The following HERC4 variants were observed in gnomAD, a reference collection of about 807,000 sequenced individuals.
The protein encoded by HERC4 is probable E3 ubiquitin-protein ligase HERC4.
HERC4 carries 28 observed loss-of-function variants against 124.3 expected under a neutral mutation model. The observed-to-expected ratio is 0.23, with a 90% CI of 0.17 to 0.31. The LOEUF (loss-of-function observed/expected upper bound fraction) is 0.31, where lower values mean the gene tolerates loss of function less well. Among genes scored for constraint, HERC4 ranks in the 10% least tolerant of loss-of-function variants. The pLI is 1.00. For missense variants in HERC4, 713 were observed against 1,229.3 expected (o/e 0.58, Z 6.28); for synonymous variants, 407 against 421.5 (o/e 0.97, Z 0.42).
At chr10:68,056,127 G>T (rs2040536931) in intron 3 of HERC4, among the ~76,000 whole-genome samples, 1 of 152,086 alleles carries the variant, frequency 6.6e-6, no homozygotes, top group Non-Finnish European at 1.5e-5. Context: ...AAGGGGTAAA[G>T]GTGAAATATA....
intron 9 of HERC4, chr10:68,010,521 T>C: frequency 1.1e-6 from 1 of 950,172 alleles, no homozygotes; most frequent in East Asian, 2.6e-5. Flanking sequence ...ACTGATCTGC[T>C]GCAGTGTGGG....
intron 8 of HERC4, among the ~76,000 whole-genome samples, chr10:68,021,211 A>T (rs1008799071): frequency 1.3e-5 from 2 of 152,250 alleles, no homozygotes; most frequent in African/African-American, 2.4e-5. Flanking sequence ...TACACAAAGG[A>T]TTCTCAATAA....
intron 15 of HERC4, among the ~76,000 whole-genome samples, chr10:67,974,706 G>C (rs1205791539): frequency 6.6e-6 from 1 of 152,102 alleles, no homozygotes; most frequent in African/African-American, 2.4e-5. Context: ...AAAAAGAATT[G>C]TTTATATAAT....
At chr10:67,983,150 T>C (rs943094149) in intron 15 of HERC4, among the ~76,000 whole-genome samples, 34 of 147,820 alleles carry the variant, frequency 2.3e-4, no homozygotes, top group Middle Eastern at 3.2e-3. Context: ...ACCAGTGAAA[T>C]GCAAATCAAA....
chr10:67,997,574 C>T (rs1009083769), intron 9 of HERC4, among the ~76,000 whole-genome samples: 4 of 152,064 alleles, frequency 2.6e-5, no homozygotes, highest in African/African-American at 9.7e-5. Context: ...TATCCCCCAC[C>T]CAAATAGATC....
At chr10:68,027,470 T>A (rs1212987629) in intron 7 of HERC4, among the ~76,000 whole-genome samples, 5 of 152,378 alleles carry the variant, frequency 3.3e-5, no homozygotes, top group Non-Finnish European at 7.3e-5. Context: ...CATATATCTG[T>A]AACCGACAAA....
intron 23 of HERC4, among the ~76,000 whole-genome samples, chr10:67,928,159 G>A (rs951883011): frequency 5.3e-5 from 8 of 152,108 alleles, no homozygotes; most frequent in East Asian, 1.9e-4. Context: ...GCTCAGCAGA[G>A]GTTAATAAGG....
chr10:68,013,705 C>T (rs938400051), intron 9 of HERC4, among the ~76,000 whole-genome samples: 5 of 152,076 alleles, frequency 3.3e-5, no homozygotes, highest in Non-Finnish European at 7.4e-5. Flanking sequence ...AAAATGGTTA[C>T]GTCTGTAAAT....
At chr10:67,964,684 T>G (rs2034743025) in intron 16 of HERC4, 1 of 152,218 alleles carries the variant, frequency 6.6e-6, no homozygotes, top group African/African-American at 2.4e-5. Flanking sequence ...TAATCCTAGT[T>G]TACTAAACTC....
chr10:68,069,952 G>T, intron 3 of HERC4: 1 of 479,320 alleles, frequency 2.1e-6, no homozygotes, highest in Non-Finnish European at 2.7e-6. Context: ...CGAGGCAGGA[G>T]AATCGCTTGA....
intron 9 of HERC4, chr10:67,996,250 C>T (rs2036872800): frequency 2.9e-5 from 10 of 346,980 alleles, no homozygotes; most frequent in Non-Finnish European, 4.5e-5. Flanking sequence ...CCAGCCTGGG[C>T]AGCCTTCTTC....
At chr10:68,037,187 C>T (rs868309605) in intron 5 of HERC4, among the ~76,000 whole-genome samples, 18 of 151,040 alleles carry the variant, frequency 1.2e-4, no homozygotes, top group East Asian at 2.0e-4. Flanking sequence ...TTCCGCCTCC[C>T]GGGTTCAAGC....
At chr10:68,043,812 T>C (rs141087304) in intron 4 of HERC4, among the ~76,000 whole-genome samples, 31 of 152,280 alleles carry the variant, frequency 2.0e-4, no homozygotes, top group Non-Finnish European at 3.4e-4. Flanking sequence ...CGAGACTCTG[T>C]CTCAAAAACA....
In HERC4 at chr10:67,922,450, TGTTCAA is replaced by T. The variant is rs2030316109; in HGVS notation, c.*475_*480del. 1 of 152,222 alleles carries T rather than the reference TGTTCAA, an allele frequency of 6.6e-6. No homozygotes were observed. Among genetic ancestry groups the T allele is most frequent in the Non-Finnish European group, 1.5e-5 (1 of 68,034 alleles). The allele number at this position is 152,222 out of a possible 1,614,324, so 9.4% of individuals were successfully genotyped here. On this transcript the variant is annotated 3_prime_UTR_variant, in exon 25 of 25. Coordinates refer to ENST00000373700, the MANE Select transcript of HERC4 (RefSeq NM_015601.4). ...TCATAATTTTTAACCTTTAAAAGTCTGTTCAAGTTCAATTACAACCATAGAAACTGT... is the reference window on the plus strand; with the variant it reads ...TCATAATTTTTAACCTTTAAAAGTCTGTTCAATTACAACCATAGAAACTGT...
At chr10:67,980,720 T>C in intron 15 of HERC4, among the ~76,000 whole-genome samples, 1 of 151,814 alleles carries the variant, frequency 6.6e-6, no homozygotes, top group East Asian at 2.0e-4. Context: ...GTATAAGATA[T>C]AAATAGAAAC....
At chr10:68,052,775 C>G (rs2040379130) in intron 3 of HERC4, among the ~76,000 whole-genome samples, 1 of 152,178 alleles carries the variant, frequency 6.6e-6, no homozygotes, top group Non-Finnish European at 1.5e-5. Context: ...AAGTGCTGCT[C>G]TCTCTGATAA....
At chr10:68,001,814 T>C (rs970176280) in intron 9 of HERC4, among the ~76,000 whole-genome samples, 7 of 152,184 alleles carry the variant, frequency 4.6e-5, no homozygotes, top group Non-Finnish European at 1.0e-4. Flanking sequence ...CATATGATAT[T>C]TGTCCTTTTG....
chr10:67,971,886 T>C (rs1308671730), intron 15 of HERC4, among the ~76,000 whole-genome samples: 1 of 152,116 alleles, frequency 6.6e-6, no homozygotes, highest in African/African-American at 2.4e-5. Flanking sequence ...TTTATCAAGA[T>C]CATAGGGTAA....
chr10:67,984,107 G>A (rs1005494531), intron 15 of HERC4, among the ~76,000 whole-genome samples: 2 of 151,876 alleles, frequency 1.3e-5, no homozygotes, highest in Admixed American at 1.3e-4. Context: ...TTCGAGACCA[G>A]CCTGGCCAAC....
Sources: gnomAD v4.1 joint callset for allele counts (sites outside exome capture counted in the v4.1 genomes callset) on GRCh38, gnomAD v4.1.1 for gene constraint, MANE v1.5 for transcripts, NCBI Gene and HGNC (gene_info 2026-07-23, HGNC 2026-07-21) for gene names.